UBR4: variants seen among roughly 807,000 people sequenced by gnomAD.
UBR4 encodes ubiquitin protein ligase E3 component n-recognin 4.
A neutral mutation model predicts 575.6 loss-of-function variants in UBR4; 124 were observed. The observed-to-expected ratio is 0.22, with a 90% CI of 0.19 to 0.25. The LOEUF is 0.25. Ranked by LOEUF, UBR4 falls within the 10% of genes least tolerant of loss-of-function variation. The pLI is 1.00. For synonymous variants in UBR4, 2,455 were observed against 2,473.7 expected (o/e 0.99, Z 0.22); for missense variants, 4,818 against 6,478.8 (o/e 0.74, Z 8.80).
At position 19,100,068 on chromosome 1, in the gene UBR4, T is replaced by A. The variant is rs772069417; in HGVS notation, c.13221+308A>T. On this transcript the variant is annotated intron_variant, in intron 89 of 105. Transcript: ENST00000375254. The surrounding 1 kb of genome is among the most constrained non-coding windows in gnomAD (Gnocchi z 4.2). ...CCAATATTTAGGGGGCTCAGGTAAC[T>A]CAGACTCACCGAGAAGTCTCTGCCA... is the stretch of plus-strand genomic sequence containing the variant. 6.7e-6 allele frequency: 3 copies of A among 449,998 alleles called. No individual in the cohort carries two copies. Among genetic ancestry groups the A allele is most frequent in the Non-Finnish European group, 1.2e-5 (3 of 252,536 alleles). 27.9% of individuals were successfully genotyped at this position (449,998 alleles called of 1,614,324 possible). A position where few individuals can be genotyped will look rare whatever the true frequency, so the allele number is the denominator to read the frequency against.
chr1:19,164,109 G>T (rs2087876858), intron 33 of UBR4, 144 bp downstream of exon 33: 2 of 896,956 alleles, frequency 2.2e-6, no homozygotes, highest in Non-Finnish European at 3.4e-6. Flanking sequence ...AGTGAACAGA[G>T]CTATTTGCTA....
chr1:19,105,862 AG>A lies in UBR4; in HGVS notation c.12394-21del, dbSNP rs1203329958. The A allele has an allele frequency of 6.5e-7, 1 of 1,548,162 alleles. No homozygotes were observed. Among genetic ancestry groups the A allele is most frequent in the African/African-American group, 1.4e-5 (1 of 72,642 alleles). The stretch of plus-strand genomic sequence containing the variant: ...AAGCACCTGCAGGACAGGGGAGAGA[AG>A]GGGTCGTAGACTCAGAGGATGCCCT... On this transcript the variant is annotated intron_variant, in intron 83 of 105. Transcript: ENST00000375254.
intron 26 of UBR4, 28 bp downstream of exon 26, chr1:19,170,734 T>C: frequency 6.2e-7 from 1 of 1,614,122 alleles, no homozygotes; most frequent in Non-Finnish European, 8.5e-7. Context: ...TGTAATAATA[T>C]TACTCAAAAG....
At chr1:19,099,502 A>G in intron 90 of UBR4, 95 bp downstream of exon 90, 1 of 1,107,504 alleles carries the variant, frequency 9.0e-7, no homozygotes, top group Non-Finnish European at 1.3e-6. Flanking sequence ...GCTACAAGCC[A>G]GGTAAGTGAT....
chr1:19,173,766 T>C (rs776720797), intron 22 of UBR4, 145 bp from the exon 23 acceptor site: 2 of 756,570 alleles, frequency 2.6e-6, no homozygotes, highest in Non-Finnish European at 4.2e-6. Flanking sequence ...CCAAGTCCAT[T>C]CTCCAGATCT....
chr1:19,109,766 A>C (rs1191213444), intron 81 of UBR4, among the ~76,000 whole-genome samples: 6 of 152,256 alleles, frequency 3.9e-5, no homozygotes, highest in Admixed American at 3.9e-4. Context: ...CTATCACCGC[A>C]CAGCACTGCA....
At position 19,174,971 on chromosome 1, in the gene UBR4, T is replaced by A. The variant is rs752202768; in HGVS notation, c.2836A>T (p.Asn946Tyr). The A allele has an allele frequency of 6.2e-7, 1 of 1,613,960 alleles. No homozygotes were observed. Among genetic ancestry groups the A allele is most frequent in the East Asian group, 2.2e-5 (1 of 44,868 alleles). Residue 946 changes from asparagine (N) to tyrosine (Y), a missense_variant, in exon 21 of 106, where the codon AAC becomes TAC. By Grantham distance (143) the Asn-to-Tyr change is moderately radical. This residue lies in a region of UBR4 where 1,172 missense variants were observed against 1,259.7 expected (regional missense o/e 0.93). Coordinates refer to ENST00000375254, the MANE Select transcript of UBR4 (RefSeq NM_020765.3). ...LSPEASEDDL[N>Y]RLDSVACDVL... ...CCTAGTACCACAGAATCAAGTCGGT[T>A]CAAATCATCCTCTGAGGCTTCTGGG...
intron 29 of UBR4, 122 bp downstream of exon 29, chr1:19,166,900 T>TA (rs11379504): frequency 0.39 from 376,270 of 968,978 alleles, 40,578 homozygotes; most frequent in East Asian, 0.62. Flanking sequence ...TGTCTCAGAA[T>TA]AAAAAAAAAA....
At chr1:19,086,077 G>T in intron 101 of UBR4, 68 bp downstream of exon 101, 34 of 1,573,528 alleles carry the variant, frequency 2.2e-5, no homozygotes, top group Non-Finnish European at 2.9e-5. Context: ...GGATTGGGCT[G>T]ATAGCGGGTC....
In UBR4 at chr1:19,100,527, G is replaced by C; in HGVS notation, c.13070C>G (p.Pro4357Arg). 1 of 1,614,006 alleles carries C rather than the reference G, an allele frequency of 6.2e-7. No individual in the cohort carries two copies. Among genetic ancestry groups the C allele is most frequent in the Non-Finnish European group, 8.5e-7 (1 of 1,180,000 alleles). Residue 4357 changes from proline (P) to arginine (R), a missense_variant, in exon 89 of 106, where the codon CCC becomes CGC. By Grantham distance (103) the Pro-to-Arg change is moderately radical. This residue lies in a region of UBR4 where 105 missense variants were observed against 232.8 expected (regional missense o/e 0.45). Transcript: ENST00000375254. The surrounding 1 kb of genome is among the most constrained non-coding windows in gnomAD (Gnocchi z 4.2). ...TEFFVTLEKD[P>R]QQEDFLQGRM... Reference sequence around the variant, plus strand: ...GCCCTGTAAGAAGTCTTCTTGTTGGGGATCCTTCTCCAGGGTCACAAAGAA... The same window carrying C: ...GCCCTGTAAGAAGTCTTCTTGTTGGCGATCCTTCTCCAGGGTCACAAAGAA...
At chr1:19,097,058 A>G in intron 91 of UBR4, 135 bp downstream of exon 91, 1 of 649,366 alleles carries the variant, frequency 1.5e-6, no homozygotes, top group Non-Finnish European at 2.4e-6. Flanking sequence ...TTTTTCCTCA[A>G]TTGAAGAAAC....
At chr1:19,183,952 T>A in intron 16 of UBR4, 56 bp from the exon 17 acceptor site, 1 of 1,613,658 alleles carries the variant, frequency 6.2e-7, no homozygotes, top group Non-Finnish European at 8.5e-7. Context: ...GCACCACACC[T>A]CCCTGCCAAC....
At chr1:19,097,558 A>G (rs1458782422) in intron 90 of UBR4, among the ~76,000 whole-genome samples, 1 of 152,220 alleles carries the variant, frequency 6.6e-6, no homozygotes, top group Non-Finnish European at 1.5e-5. Context: ...TAATCTAACA[A>G]ATATTTATTG....
chr1:19,138,136 T>A lies in UBR4; in HGVS notation c.8777A>T (p.His2926Leu), dbSNP rs372804037. Residue 2926 changes from histidine to leucine, a missense_variant, in exon 60 of 106, where the codon CAT becomes CTT. His to Leu is a moderately conservative substitution (Grantham distance 99). Around this residue, in one of 29 missense-constraint regions of UBR4, gnomAD observed 57 missense variants for 101.5 expected, o/e 0.56. Coordinates refer to ENST00000375254, the MANE Select transcript of UBR4 (RefSeq NM_020765.3). ...GCTGACACTTCCTGGTCCAGCCGGA[T>A]GCCCCTCAGCTGTAGCATCGCCATA... ...SAYGDATAEG[H>L]PAGPGSVSSS... 6.3e-7 allele frequency: 1 copy of A among 1,596,260 alleles called. No homozygotes were observed. Among genetic ancestry groups the A allele is most frequent in the Non-Finnish European group, 8.6e-7 (1 of 1,169,548 alleles).
Position 19,153,318 on chromosome 1 carries a change from C to T in UBR4, c.6815G>A (p.Arg2272His), listed in dbSNP as rs771802604. The change falls in exon 46 of 106, where the codon CGC becomes CAC. Residue 2272 changes from arginine to histidine, a missense_variant. By Grantham distance (29) the Arg-to-His change is conservative (BLOSUM62 0). Transcript: ENST00000375254. The surrounding 1 kb of genome is among the most constrained non-coding windows in gnomAD (Gnocchi z 4.1). Reference protein sequence around the residue: ...VISIMKPVRKRKTATITTRTS... With the variant: ...VISIMKPVRKHKTATITTRTS... Reference sequence around the variant, plus strand: ...AGCCTTACTGATTGTAGCTGTTTTGCGCTTTCGAACAGGCTTCATGATGCT... The same window carrying T: ...AGCCTTACTGATTGTAGCTGTTTTGTGCTTTCGAACAGGCTTCATGATGCT... 3.9e-5 allele frequency: 63 copies of T among 1,614,050 alleles called. No homozygotes were observed. The highest frequency in any genetic ancestry group is 4.8e-5 in the Non-Finnish European group (57 of 1,180,026).
intron 49 of UBR4, 92 bp downstream of exon 49, chr1:19,150,485 G>C: frequency 7.1e-7 from 1 of 1,405,300 alleles, no homozygotes; most frequent in South Asian, 1.2e-5. Context: ...CCTTGAGATG[G>C]TTATTAGAAG....
intron 67 of UBR4, 97 bp from the exon 68 acceptor site, chr1:19,121,531 T>C: frequency 6.9e-7 from 1 of 1,441,124 alleles, no homozygotes; most frequent in Non-Finnish European, 9.3e-7. Flanking sequence ...ACTGCCCTGT[T>C]CTCACCAGCT....
intron 100 of UBR4, 61 bp from the exon 101 acceptor site, chr1:19,086,331 TG>T: frequency 4.1e-5 from 1 of 24,160 alleles, no homozygotes; most frequent in East Asian, 4.7e-4. Context: ...ACCAGGCACC[TG>T]GGCGGGGGGG....
intron 34 of UBR4, 110 bp from the exon 35 acceptor site, chr1:19,162,721 G>C: frequency 7.7e-7 from 1 of 1,298,234 alleles, no homozygotes; most frequent in African/African-American, 1.5e-5. Flanking sequence ...TGGTATGAGA[G>C]CAGAGAAGAA....
Sources: allele counts gnomAD v4.1 joint callset (sites outside exome capture counted in the v4.1 genomes callset), GRCh38; gene constraint gnomAD v4.1.1; regional missense constraint gnomAD v4.1.1; non-coding constraint Gnocchi (gnomAD v3.1); transcripts MANE v1.5; gene names NCBI Gene and HGNC (gene_info 2026-07-23, HGNC 2026-07-21).